Variants in TYW1 observed in about 807,000 individuals in gnomAD.
TYW1 encodes tRNA-yW synthesizing protein 1 homolog, also known as S-adenosyl-L-methionine-dependent tRNA 4-demethylwyosine synthase TYW1.
Under a neutral mutation model 96.2 loss-of-function variants are expected in TYW1, and 46 were observed. The ratio of observed to expected loss-of-function variants is 0.48; its 90% CI spans 0.38 to 0.61. The LOEUF is 0.61. TYW1 is among the 20% of genes least tolerant of loss of function. The probability of loss-of-function intolerance (pLI) is 0.00; values close to 1 mark genes in which losing one functional copy is unlikely to be tolerated. For missense variants in TYW1, 684 were observed against 909.6 expected (o/e 0.75, Z 3.19); for synonymous variants, 274 against 323.0 (o/e 0.85, Z 1.63).
chr7:67,057,496 G>A (rs1449719433), intron 9 of TYW1, among the ~76,000 whole-genome samples: 1 of 151,998 alleles, frequency 6.6e-6, no homozygotes, highest in Non-Finnish European at 1.5e-5. Flanking sequence ...CTGAGTAAGT[G>A]GGATTACAAG....
At chr7:67,220,201 A>ATTTTTTTTTTT (rs57595328) in intron 15 of TYW1, among the ~76,000 whole-genome samples, 39 of 93,190 alleles carry the variant, frequency 4.2e-4, no homozygotes, top group African/African-American at 5.0e-4. Context: ...TCATTTATTG[A>ATTTTTTTTTTT]TTTTTTTTTT....
At chr7:67,211,190 G>GTGTT (rs1491070015) in intron 15 of TYW1, among the ~76,000 whole-genome samples, 2 of 135,266 alleles carry the variant, frequency 1.5e-5, no homozygotes, top group African/African-American at 5.8e-5. Flanking sequence ...GTGTGTGTGT[G>GTGTT]TTTTGAGCAC....
chr7:67,156,225 T>G (rs7779596), intron 13 of TYW1, among the ~76,000 whole-genome samples: 39,474 of 152,110 alleles, frequency 0.26, 5,614 homozygotes, highest in African/African-American at 0.38. Context: ...TGGGCCTGTG[T>G]GTTCTTAGGC....
chr7:67,064,761 G>A (rs777154215), intron 9 of TYW1, among the ~76,000 whole-genome samples: 34 of 152,286 alleles, frequency 2.2e-4, no homozygotes, highest in Admixed American at 1.3e-3. Flanking sequence ...TGACATTTGA[G>A]TGGGGACACA....
At position 67,000,613 on chromosome 7, in the gene TYW1, A is replaced by T. The variant is rs1443620071; in HGVS notation, c.273+1659A>T. Among the ~76,000 whole-genome samples the T allele has an allele frequency of 2.0e-5, 3 of 152,048 alleles. No individual in the cohort carries two copies. The Middle Eastern group carries it at 0.01, about 517-fold the overall frequency. ...CGCTCCCAGCCAAAAAATTTATTTA[A>T]TTTTTTTGTAGAGACAAGATCTTGC... On this transcript the variant is annotated intron_variant, in intron 3 of 15. Coordinates refer to ENST00000359626, the MANE Select transcript of TYW1 (RefSeq NM_018264.4).
chr7:67,093,539 G>A (rs1382846985), intron 11 of TYW1, among the ~76,000 whole-genome samples: 1 of 152,130 alleles, frequency 6.6e-6, no homozygotes, highest in Non-Finnish European at 1.5e-5. Context: ...AGCTGCTCAT[G>A]GTGCGGATTA....
chr7:67,205,513 G>A (rs1800762247), intron 15 of TYW1, among the ~76,000 whole-genome samples: 1 of 151,562 alleles, frequency 6.6e-6, no homozygotes, highest in Non-Finnish European at 1.5e-5. Flanking sequence ...GAAAGTCCAG[G>A]CTCCCTGTGT....
chr7:67,161,345 T>C (rs987156003), intron 13 of TYW1, among the ~76,000 whole-genome samples: 7 of 152,234 alleles, frequency 4.6e-5, no homozygotes, highest in Non-Finnish European at 8.8e-5. Context: ...TATGAAGCCA[T>C]GTCTTCCATT....
intron 14 of TYW1, among the ~76,000 whole-genome samples, chr7:67,193,421 C>T (rs1800283311): frequency 6.6e-6 from 1 of 152,150 alleles, no homozygotes; most frequent in African/African-American, 2.4e-5. Context: ...AGTCCCAGCT[C>T]TGTCATCAGG....
chr7:67,047,783 A>ATTT lies in TYW1; in HGVS notation c.985-2142_985-2140dup, dbSNP rs36007120. On this transcript the variant is annotated intron_variant, in intron 7 of 15. Transcript: ENST00000359626. Reference sequence around the variant, plus strand: ...TTTCACTTACTTTCTGTGAGTGTCAATTTTTTTTTTTTTTTTTTTTTTTTT... The same window carrying ATTT: ...TTTCACTTACTTTCTGTGAGTGTCAATTTTTTTTTTTTTTTTTTTTTTTTTTTT... 1.2e-3 allele frequency among the ~76,000 whole-genome samples: 96 copies of ATTT among 79,888 alleles called. 4 individuals are homozygous for ATTT. The highest frequency in any genetic ancestry group is 2.9e-3 in the East Asian group (7 of 2,424). 52.4% of individuals were successfully genotyped at this position (79,888 alleles called of 152,430 possible).
intron 13 of TYW1, among the ~76,000 whole-genome samples, chr7:67,149,755 T>TATCTATCTA (rs1798738143): frequency 1.2e-5 from 1 of 84,110 alleles, no homozygotes; most frequent in Non-Finnish European, 2.5e-5. Context: ...TCTATCTATC[T>TATCTATCTA]ATCTATCTAT....
At chr7:67,231,460 C>T (rs1280649185) in intron 15 of TYW1, among the ~76,000 whole-genome samples, 2 of 152,222 alleles carry the variant, frequency 1.3e-5, no homozygotes, top group Non-Finnish European at 2.9e-5. Flanking sequence ...AACACAACTT[C>T]TAGGAGATTC....
chr7:67,136,937 C>G (rs557624195), intron 13 of TYW1, among the ~76,000 whole-genome samples: 1 of 152,028 alleles, frequency 6.6e-6, no homozygotes, highest in African/African-American at 2.4e-5. Context: ...ATTCTCCTGC[C>G]TCAGCCTCCT....
chr7:67,094,669 TG>T (rs1796836931), intron 11 of TYW1, among the ~76,000 whole-genome samples: 1 of 151,758 alleles, frequency 6.6e-6, no homozygotes, highest in Non-Finnish European at 1.5e-5. Context: ...TGTGTGTGTG[TG>T]TGTGTGTGTG....
At chr7:67,138,387 A>G (rs1421774020) in intron 13 of TYW1, among the ~76,000 whole-genome samples, 2 of 152,136 alleles carry the variant, frequency 1.3e-5, no homozygotes, top group Admixed American at 6.6e-5. Flanking sequence ...TACCTGAGAT[A>G]CTTTGATACA....
chr7:67,101,398 G>A (rs73134299), intron 12 of TYW1, among the ~76,000 whole-genome samples: 9,785 of 152,118 alleles, frequency 0.064, 433 homozygotes, highest in South Asian at 0.11. Context: ...CCGAGATGAC[G>A]GTGCTCCTGC....
At chr7:67,094,698 C>T (rs1428696756) in intron 11 of TYW1, among the ~76,000 whole-genome samples, 3 of 144,532 alleles carry the variant, frequency 2.1e-5, no homozygotes, top group African/African-American at 7.9e-5. Flanking sequence ...GTGTCAAGCA[C>T]AGCTGACACC....
chr7:67,137,247 T>G (rs1439556592), intron 13 of TYW1, among the ~76,000 whole-genome samples: 1 of 152,192 alleles, frequency 6.6e-6, no homozygotes, highest in African/African-American at 2.4e-5. Context: ...GAATTCCCAC[T>G]TACTTGCAAG....
chr7:67,137,460 A>G lies in TYW1; in HGVS notation c.1698+19842A>G, dbSNP rs1470043754. 3.3e-5 allele frequency among the ~76,000 whole-genome samples: 5 copies of G among 152,268 alleles called. No individual in the cohort carries two copies. In the East Asian group the frequency reaches 7.8e-4, roughly 24 times the overall value. ...GCAAGACCTCATCTCTTTAAAAAAA[A>G]TAAATAAAATAAAAGAGAAAAAAGG... On this transcript the variant is annotated intron_variant, in intron 13 of 15. Transcript: ENST00000359626.
Sources: allele counts gnomAD v4.1 joint callset (sites outside exome capture counted in the v4.1 genomes callset), GRCh38; gene constraint gnomAD v4.1.1; transcripts MANE v1.5; gene names NCBI Gene and HGNC (gene_info 2026-07-23, HGNC 2026-07-21).